Variants in GALNT13 observed in about 807,000 individuals in gnomAD.
GALNT13 encodes UDP-GalNAc:polypeptide N-acetylgalactosaminyltransferase 13.
A neutral mutation model predicts 64.2 loss-of-function variants in GALNT13; 28 were observed. That is an observed-to-expected ratio of 0.44 (90% confidence interval 0.32 to 0.60). The LOEUF is 0.60. Ranked by LOEUF, GALNT13 falls within the 20% of genes least tolerant of loss-of-function variation. The pLI, the probability that GALNT13 is intolerant of heterozygous loss-of-function variation, is 0.05. For synonymous variants in GALNT13, 214 were observed against 224.6 expected (o/e 0.95, Z 0.42); for missense variants, 577 against 669.8 (o/e 0.86, Z 1.53).
chr2:153,350,475 C>T, the GALNT13 span, among the ~76,000 whole-genome samples: 3 of 150,028 alleles, frequency 2.0e-5, no homozygotes, highest in Non-Finnish European at 4.4e-5. Context: ...CTCTGTCTCC[C>T]GGGTTCAAGC....
chr2:153,946,356 C>A (rs952874506), intron 3 of GALNT13, among the ~76,000 whole-genome samples: 4 of 152,066 alleles, frequency 2.6e-5, no homozygotes, highest in Admixed American at 2.0e-4. Context: ...TTTAACAATG[C>A]AAGGCAAAAA....
intron 4 of GALNT13, 126 bp from the exon 5 acceptor site, chr2:154,241,904 T>C (rs1466162856): frequency 7.8e-6 from 4 of 515,504 alleles, no homozygotes; most frequent in Non-Finnish European, 1.3e-5. Context: ...ATTTTAGATA[T>C]TCATAAAACA....
intron 9 of GALNT13, among the ~76,000 whole-genome samples, chr2:154,385,517 C>G (rs994409207): frequency 6.6e-6 from 1 of 151,956 alleles, no homozygotes; most frequent in East Asian, 1.9e-4. Flanking sequence ...TTTGACCCTA[C>G]TTCTGCTATT....
rs967902534 is a variant in GALNT13 at position 154,300,571 on chromosome 2, TTA to T, written c.976-825_976-824del. On this transcript the variant is annotated intron_variant, in intron 8 of 12. Transcript: ENST00000392825. ...GACAAGAAAACCTGTAGCATATATG[TTA>T]TATATATATATAATTGTATGTATAG... 6.0e-5 allele frequency among the ~76,000 whole-genome samples: 9 copies of T among 150,944 alleles called. No individual in the cohort carries two copies. In the East Asian group the frequency reaches 7.7e-4, roughly 13 times the overall value.
chr2:153,177,546 G>T, the GALNT13 span, among the ~76,000 whole-genome samples: 6 of 151,966 alleles, frequency 3.9e-5, no homozygotes, highest in African/African-American at 1.4e-4. Context: ...CCAACTGTAT[G>T]CTGTTTGCAA....
chr2:153,249,130 C>G, the GALNT13 span, among the ~76,000 whole-genome samples: 1 of 152,102 alleles, frequency 6.6e-6, no homozygotes, highest in African/African-American at 2.4e-5. Flanking sequence ...TCTAGAAAAC[C>G]CCATCATCTC....
chr2:153,564,319 A>G, the GALNT13 span, among the ~76,000 whole-genome samples: 1 of 152,044 alleles, frequency 6.6e-6, no homozygotes, highest in African/African-American at 2.4e-5. Flanking sequence ...CCATTTTCAC[A>G]ATTTGCTGAA....
intron 4 of GALNT13, among the ~76,000 whole-genome samples, chr2:154,184,089 A>T (rs1011237050): frequency 2.0e-5 from 3 of 151,774 alleles, no homozygotes; most frequent in African/African-American, 7.2e-5. Flanking sequence ...AATTTATAAT[A>T]TATTTGAACT....
At chr2:153,613,745 A>C in the GALNT13 span, among the ~76,000 whole-genome samples, 1 of 151,960 alleles carries the variant, frequency 6.6e-6, no homozygotes, top group Non-Finnish European at 1.5e-5. Context: ...TGTCCTTGTG[A>C]TAGTTTGCTG....
At chr2:153,777,326 A>G in the GALNT13 span, among the ~76,000 whole-genome samples, 1 of 152,166 alleles carries the variant, frequency 6.6e-6, no homozygotes, top group Non-Finnish European at 1.5e-5. Context: ...CCTGTTTCAG[A>G]GGTGGGATGG....
At chr2:153,469,432 T>G in the GALNT13 span, among the ~76,000 whole-genome samples, 2 of 152,056 alleles carry the variant, frequency 1.3e-5, no homozygotes, top group Non-Finnish European at 2.9e-5. Context: ...AATGCAAGTC[T>G]CAGAGCGGGA....
At chr2:154,281,702 A>C (rs1691971633) in intron 8 of GALNT13, among the ~76,000 whole-genome samples, 1 of 152,054 alleles carries the variant, frequency 6.6e-6, no homozygotes, top group Non-Finnish European at 1.5e-5. Flanking sequence ...TACCTCTCAC[A>C]CACACCGGTT....
rs902588669 is a variant in GALNT13 at position 154,059,953 on chromosome 2, A to G, written c.143-80384A>G. On this transcript the variant is annotated intron_variant, in intron 3 of 12. Transcript: ENST00000392825. ...AATTTTTGTGTCCTCCAAAATTCATATGTTGAAATCCTAATCCCTACTGTG... is the reference window on the plus strand; with the variant it reads ...AATTTTTGTGTCCTCCAAAATTCATGTGTTGAAATCCTAATCCCTACTGTG... 2.0e-5 allele frequency among the ~76,000 whole-genome samples: 3 copies of G among 152,294 alleles called. No homozygotes were observed. In the South Asian group the frequency reaches 6.2e-4, roughly 32 times the overall value.
the GALNT13 span, among the ~76,000 whole-genome samples, chr2:153,623,397 T>C: frequency 6.6e-6 from 1 of 152,122 alleles, no homozygotes; most frequent in Non-Finnish European, 1.5e-5. Context: ...TGGTGTTTCC[T>C]TTACTGTGGC....
At chr2:153,147,441 A>T in the GALNT13 span, among the ~76,000 whole-genome samples, 2 of 151,760 alleles carry the variant, frequency 1.3e-5, no homozygotes, top group Non-Finnish European at 2.9e-5. Flanking sequence ...GATGAGTATA[A>T]GGATGCTCTA....
intron 9 of GALNT13, among the ~76,000 whole-genome samples, chr2:154,359,902 A>C (rs1057022481): frequency 6.6e-6 from 1 of 152,148 alleles, no homozygotes; most frequent in Non-Finnish European, 1.5e-5. Context: ...TTAATGTAAT[A>C]GAATGCTGTC....
At chr2:153,337,903 C>T in the GALNT13 span, 5 of 152,186 alleles carry the variant, frequency 3.3e-5, no homozygotes, top group Non-Finnish European at 7.3e-5. Flanking sequence ...ATACAAAATA[C>T]AGATAAACTT....
chr2:154,370,199 T>TA, intron 9 of GALNT13, among the ~76,000 whole-genome samples: 1 of 152,030 alleles, frequency 6.6e-6, no homozygotes, highest in East Asian at 1.9e-4. Context: ...TGAGGGGGAT[T>TA]TATATATAGG....
At position 154,423,260 on chromosome 2, in the gene GALNT13, C is replaced by T. The variant is rs564019071; in HGVS notation, c.1395+14178C>T. 5.9e-5 allele frequency among the ~76,000 whole-genome samples: 9 copies of T among 152,236 alleles called. No homozygotes were observed. The South Asian group carries it at 1.9e-3, about 32-fold the overall frequency. On this transcript the variant is annotated intron_variant, in intron 11 of 12. Transcript: ENST00000392825. Reference sequence around the variant, plus strand: ...ATGAACTCATCCTTTTTTATGGCTGCATGCTATTCCGTGGTGTATATGTGC... The same window carrying T: ...ATGAACTCATCCTTTTTTATGGCTGTATGCTATTCCGTGGTGTATATGTGC...
Sources: gnomAD v4.1 joint callset for allele counts (sites outside exome capture counted in the v4.1 genomes callset) on GRCh38, gnomAD v4.1.1 for gene constraint, MANE v1.5 for transcripts, NCBI Gene and HGNC (gene_info 2026-07-23, HGNC 2026-07-21) for gene names.